The following SLC9B2 variants were observed in gnomAD, a reference collection of about 807,000 sequenced individuals.
SLC9B2 encodes solute carrier family 9 member B2.
SLC9B2 carries 39 observed loss-of-function variants against 52.2 expected under a neutral mutation model. The observed-to-expected ratio is 0.75, with a 90% CI of 0.58 to 0.98. The LOEUF is 0.98. Ranked by LOEUF, SLC9B2 falls within the 50% of genes least tolerant of loss-of-function variation. SLC9B2 has a pLI of 0.00. For synonymous variants in SLC9B2, 214 were observed against 227.0 expected, an observed-to-expected ratio of 0.94 and a Z score of 0.51; for missense variants, 626 against 637.5, an observed-to-expected ratio of 0.98 and a Z score of 0.19.
At chr4:103,058,544 T>C (rs926940036) in intron 3 of SLC9B2, among the ~76,000 whole-genome samples, 2 of 152,146 alleles carry the variant, frequency 1.3e-5, no homozygotes, top group Admixed American at 1.3e-4. Flanking sequence ...ACTACAGGTG[T>C]GTACCACCAT....
At chr4:103,051,815 T>C (rs554009334) in intron 4 of SLC9B2, among the ~76,000 whole-genome samples, 2 of 152,346 alleles carry the variant, frequency 1.3e-5, no homozygotes, top group Admixed American at 6.5e-5. Flanking sequence ...TACACTGCTG[T>C]ACGGCTTGGG....
At chr4:103,067,296 G>A (rs915512302) in intron 2 of SLC9B2, among the ~76,000 whole-genome samples, 165 bp downstream of exon 2, 3 of 152,138 alleles carry the variant, frequency 2.0e-5, no homozygotes, top group African/African-American at 7.2e-5. Flanking sequence ...GCGTTTCATA[G>A]GCTCTCCATT....
chr4:103,070,361 T>TATTAGAA (rs527362147), intron 1 of SLC9B2, among the ~76,000 whole-genome samples: 3 of 152,372 alleles, frequency 2.0e-5, no homozygotes, highest in Non-Finnish European at 4.4e-5. Context: ...ATGAAATGCT[T>TATTAGAA]ATTAGAAAGT....
chr4:103,066,358 T>C lies in SLC9B2; in HGVS notation c.240A>G (p.Pro80=), dbSNP rs749448280. The C allele has an allele frequency of 6.2e-7, 1 of 1,614,072 alleles. No individual in the cohort carries two copies. Among genetic ancestry groups the C allele is most frequent in the Non-Finnish European group, 8.5e-7 (1 of 1,179,948 alleles). Residue 80 remains proline, a synonymous_variant, in exon 3 of 12, where the codon CCA becomes CCG. Coordinates refer to ENST00000394785, the MANE Select transcript of SLC9B2 (RefSeq NM_178833.7). ...TTATGACCCTGTCCAGTAAACCATGTGGAGGGCAAGCCAGCATTTGTCTCA... is the reference window on the plus strand; with the variant it reads ...TTATGACCCTGTCCAGTAAACCATGCGGAGGGCAAGCCAGCATTTGTCTCA... The part of the protein sequence containing the change: ...QRLRQMLACP[P]HGLLDRVITN...
chr4:103,036,382 G>A (rs1165680126), intron 9 of SLC9B2, among the ~76,000 whole-genome samples: 1 of 152,106 alleles, frequency 6.6e-6, no homozygotes, highest in Non-Finnish European at 1.5e-5. Flanking sequence ...TAAAGTGGAG[G>A]GTGGCAGGAG....
At position 103,026,148 on chromosome 4, in the gene SLC9B2, T is replaced by C. The variant is rs148584294; in HGVS notation, c.*222A>G. ...ATGTCCTTATGCAAATTAAGATGGA[T>C]GATGAAGGGGTGTTTGAAAAAAAAG... On this transcript the variant is annotated 3_prime_UTR_variant, in exon 12 of 12. Transcript: ENST00000394785. 9 of 458,398 alleles carry C rather than the reference T, an allele frequency of 2.0e-5. No individual in the cohort carries two copies. Among genetic ancestry groups the C allele is most frequent in the African/African-American group, 1.6e-4 (8 of 51,000 alleles). The allele number at this position is 458,398 out of a possible 1,614,324, so 28.4% of individuals were successfully genotyped here.
At chr4:103,039,087 T>C (rs2110592659) in intron 9 of SLC9B2, among the ~76,000 whole-genome samples, 1 of 152,336 alleles carries the variant, frequency 6.6e-6, no homozygotes, top group Non-Finnish European at 1.5e-5. Context: ...TAGATGATTA[T>C]TGTATTCACT....
At chr4:103,044,363 T>C (rs1743914740) in intron 8 of SLC9B2, among the ~76,000 whole-genome samples, 2 of 152,220 alleles carry the variant, frequency 1.3e-5, no homozygotes, top group Admixed American at 1.3e-4. Context: ...TAGTGGCTAC[T>C]GTACTGAACA....
intron 3 of SLC9B2, among the ~76,000 whole-genome samples, chr4:103,061,923 C>G (rs1745680072): frequency 6.6e-6 from 1 of 152,116 alleles, no homozygotes. Context: ...CAGAATTGTT[C>G]CAGATTTTCT....
intron 3 of SLC9B2, among the ~76,000 whole-genome samples, chr4:103,066,115 T>C (rs1560560153): frequency 1.3e-5 from 2 of 152,234 alleles, no homozygotes; most frequent in Non-Finnish European, 2.9e-5. Context: ...ACAGTGATCC[T>C]GAAAGCCAAG....
chr4:103,020,127 T>G (rs974769590), downstream of SLC9B2: 2 of 247,792 alleles, frequency 8.1e-6, no homozygotes, highest in African/African-American at 4.7e-5. Context: ...GAGGTTGTCT[T>G]CTCATCTGTA....
intron 3 of SLC9B2, 23 bp from the exon 4 acceptor site, chr4:103,057,994 G>A (rs756288728): frequency 3.8e-6 from 6 of 1,585,254 alleles, no homozygotes; most frequent in Non-Finnish European, 5.1e-6. Flanking sequence ...AGGAATACTA[G>A]TTACTATCAA....
chr4:103,034,727 A>T (rs1469043591), intron 9 of SLC9B2, among the ~76,000 whole-genome samples: 1 of 152,224 alleles, frequency 6.6e-6, no homozygotes, highest in Non-Finnish European at 1.5e-5. Flanking sequence ...TCAATGGGGA[A>T]ATGCAAATCA....
At chr4:103,049,144 G>A (rs1744437088) in intron 5 of SLC9B2, 124 bp from the exon 6 acceptor site, 1 of 1,153,192 alleles carries the variant, frequency 8.7e-7, no homozygotes, top group Admixed American at 2.9e-5. Flanking sequence ...AAGGTAATGA[G>A]TTGTATTTAA....
intron 9 of SLC9B2, among the ~76,000 whole-genome samples, chr4:103,035,240 T>A (rs1743062907): frequency 6.6e-6 from 1 of 152,108 alleles, no homozygotes; most frequent in Admixed American, 6.5e-5. Flanking sequence ...TGGTATTTGG[T>A]TTTCTGTTTC....
chr4:103,071,015 CAAGAA>C (rs1452335627), intron 1 of SLC9B2, among the ~76,000 whole-genome samples: 3 of 151,280 alleles, frequency 2.0e-5, no homozygotes, highest in African/African-American at 7.3e-5. Context: ...CTTAAGAGAT[CAAGAA>C]TATAAGCAGT....
intron 7 of SLC9B2, 85 bp downstream of exon 7, chr4:103,046,966 T>G (rs1352925816): frequency 1.4e-6 from 2 of 1,468,254 alleles, no homozygotes; most frequent in African/African-American, 2.8e-5. Context: ...TAATCAATTA[T>G]CAAGCAAATA....
At chr4:103,037,824 T>C (rs1249558505) in intron 9 of SLC9B2, among the ~76,000 whole-genome samples, 1 of 152,142 alleles carries the variant, frequency 6.6e-6, no homozygotes, top group African/African-American at 2.4e-5. Flanking sequence ...TTTTACTTTT[T>C]AATTTAGTTT....
At position 103,050,235 on chromosome 4, in the gene SLC9B2, C is replaced by A; in HGVS notation, c.585+5G>T. The A allele has an allele frequency of 6.4e-7, 1 of 1,563,122 alleles. No homozygotes were observed. ...ATTTAATAATGAGAAATTTACATTTCATACCTTTGAATCCAGACCAAGGCC... is the reference window on the plus strand; with the variant it reads ...ATTTAATAATGAGAAATTTACATTTAATACCTTTGAATCCAGACCAAGGCC... On this transcript the variant is annotated splice_donor_5th_base_variant and intron_variant, in intron 5 of 11. Coordinates refer to ENST00000394785, the MANE Select transcript of SLC9B2 (RefSeq NM_178833.7).
Sources: allele counts gnomAD v4.1 joint callset (sites outside exome capture counted in the v4.1 genomes callset), GRCh38; gene constraint gnomAD v4.1.1; transcripts MANE v1.5; gene names NCBI Gene and HGNC (gene_info 2026-07-23, HGNC 2026-07-21).